Variants in IL2RB observed in about 807,000 individuals in gnomAD.
IL2RB encodes the protein interleukin-2 receptor subunit beta.
IL2RB carries 17 observed loss-of-function variants against 44.2 expected under a neutral mutation model. The ratio of observed to expected loss-of-function variants is 0.38; its 90% CI spans 0.26 to 0.58. IL2RB has a LOEUF of 0.58. Among genes scored for constraint, IL2RB ranks in the 20% least tolerant of loss-of-function variants. The pLI, the probability that IL2RB is intolerant of heterozygous loss-of-function variation, is 0.63. For missense variants in IL2RB, 624 were observed against 685.5 expected, an observed-to-expected ratio of 0.91 and a Z score of 1.00; for synonymous variants, 286 against 297.9, an observed-to-expected ratio of 0.96 and a Z score of 0.41.
rs748901771 is a variant in IL2RB, at chr22:37,128,313, G to A, written c.1439C>T (p.Pro480Leu). ...QPLGPPTPGV[P>L]DLVDFQPPPE... ...GGGTGGCTGAAAATCCACCAGGTCTGGGACTCCTGGGGTGGGAGGCCCCAG... is the reference window on the plus strand; with the variant it reads ...GGGTGGCTGAAAATCCACCAGGTCTAGGACTCCTGGGGTGGGAGGCCCCAG... Residue 480 changes from proline (P) to leucine (L), a missense_variant, in exon 10 of 10, where the codon CCA becomes CTA. Physicochemically the swap from Pro to Leu is moderately conservative, Grantham distance 98. This residue lies in a region of IL2RB where 291 missense variants were observed against 275.5 expected (regional missense o/e 1.06). Transcript: ENST00000216223. This position sits in a 1 kb window ranked among gnomAD's most constrained non-coding sequence, Gnocchi z 4.5. 10 of 1,503,124 alleles carry A rather than the reference G, an allele frequency of 6.7e-6. No individual in the cohort carries two copies. Among genetic ancestry groups the A allele is most frequent in the Non-Finnish European group, 8.9e-6 (10 of 1,126,704 alleles). 93.1% of individuals were successfully genotyped at this position (1,503,124 alleles called of 1,614,324 possible). A position where few individuals can be genotyped will look rare whatever the true frequency, so the allele number is the denominator to read the frequency against.
intron 1 of IL2RB, among the ~76,000 whole-genome samples, chr22:37,165,218 A>G (rs1923026792): frequency 6.6e-6 from 1 of 152,244 alleles, no homozygotes; most frequent in Non-Finnish European, 1.5e-5. Context: ...CTGGCTCCTA[A>G]GCACATGCTC....
intron 1 of IL2RB, among the ~76,000 whole-genome samples, chr22:37,164,298 C>T (rs1004924104): frequency 6.6e-6 from 1 of 152,068 alleles, no homozygotes; most frequent in Non-Finnish European, 1.5e-5. Flanking sequence ...CTGGCCAGTG[C>T]ACAAGGGGTC....
chr22:37,134,085 G>C (rs565309404), intron 8 of IL2RB, among the ~76,000 whole-genome samples: 1 of 152,078 alleles, frequency 6.6e-6, no homozygotes, highest in South Asian at 2.1e-4. Flanking sequence ...AGGATCCGTG[G>C]GTTCTGCACT....
chr22:37,163,541 A>C (rs1922955819), intron 1 of IL2RB, among the ~76,000 whole-genome samples: 2 of 152,204 alleles, frequency 1.3e-5, no homozygotes, highest in Non-Finnish European at 2.9e-5. Context: ...TGATCCCAGA[A>C]GCTCTTCCAG....
chr22:37,162,143 T>A (rs947903475), intron 1 of IL2RB, among the ~76,000 whole-genome samples: 4 of 152,180 alleles, frequency 2.6e-5, no homozygotes, highest in African/African-American at 9.7e-5. Context: ...TTTGAAATAG[T>A]CTTTAATTAC....
intron 1 of IL2RB, among the ~76,000 whole-genome samples, chr22:37,155,590 G>A (rs1922652176): frequency 1.3e-5 from 2 of 152,184 alleles, no homozygotes; most frequent in Admixed American, 1.3e-4. Context: ...CATCCTACCA[G>A]AATGTGGCAG....
chr22:37,174,721 CTT>C (rs1243895507), intron 1 of IL2RB, among the ~76,000 whole-genome samples: 1 of 152,196 alleles, frequency 6.6e-6, no homozygotes, highest in African/African-American at 2.4e-5. Flanking sequence ...AATCTTTTCT[CTT>C]TTGCAAATCC....
chr22:37,151,202 A>G (rs1444020749), upstream of IL2RB, among the ~76,000 whole-genome samples: 1 of 152,206 alleles, frequency 6.6e-6, no homozygotes, highest in East Asian at 1.9e-4. Context: ...ACAGTGTACG[A>G]GAGTTCCCTT....
intron 1 of IL2RB, among the ~76,000 whole-genome samples, chr22:37,158,139 A>G (rs1182406130): frequency 6.6e-6 from 1 of 152,190 alleles, no homozygotes; most frequent in Admixed American, 6.5e-5. Flanking sequence ...ACGTGTGTAC[A>G]AAGTAACTCC....
Position 37,156,647 on chromosome 22 carries a change from C to T in IL2RB, c.-33-12442G>A, listed in dbSNP as rs577490832. Among the ~76,000 whole-genome samples, 6 of 152,344 alleles carry T rather than the reference C, an allele frequency of 3.9e-5. No individual in the cohort carries two copies. The East Asian group carries it at 1.2e-3, about 29-fold the overall frequency. On this transcript the variant is annotated intron_variant, in intron 1 of 5. Coordinates refer to the IL2RB transcript ENST00000429622. ...GTTAAGGACCCTTCCCCAAAGCTGC[C>T]GTAGCCACTTCTAATGTACATCCCA...
At chr22:37,139,084 C>T (rs1156319802) in intron 5 of IL2RB, 33 bp downstream of exon 5, 5 of 1,428,442 alleles carry the variant, frequency 3.5e-6, no homozygotes, top group Non-Finnish European at 2.0e-6. Flanking sequence ...GTGCCCAGCC[C>T]TGCCCCAGCC....
rs189719567 is a variant in IL2RB, at chr22:37,132,861, C to T, written c.819-393G>A. ...AGAAGAAGTGGAATGAACCAGGAGG[C>T]GGGAGAGAGGAGATGGGCTTTCTTG... On this transcript the variant is annotated intron_variant, in intron 8 of 9. Transcript: ENST00000216223. Among the ~76,000 whole-genome samples, 37 of 152,150 alleles carry T rather than the reference C, an allele frequency of 2.4e-4. No homozygotes were observed. In the South Asian group the frequency reaches 7.1e-3, roughly 29 times the overall value.
chr22:37,142,174 G>A (rs192508980), intron 4 of IL2RB, among the ~76,000 whole-genome samples: 1 of 152,314 alleles, frequency 6.6e-6, no homozygotes, highest in Admixed American at 6.5e-5. Flanking sequence ...CAAAGCGCAG[G>A]GGAGACAGCA....
rs773680055 is a variant in IL2RB, at chr22:37,132,387, G to T, written c.900C>A (p.Val300=). ...SQLSSEHGGD[V]QKWLSSPFPS... is the part of the protein sequence containing the mutation. Reference sequence around the variant, plus strand: ...TCTCCCCGCCCCGGCCTCCTACCTGGACGTCTCCTCCATGCTCTGAGCTCA... The same window carrying T: ...TCTCCCCGCCCCGGCCTCCTACCTGTACGTCTCCTCCATGCTCTGAGCTCA... Residue 300 remains valine, a synonymous_variant, in exon 9 of 10, where the codon GTC becomes GTA. Coordinates refer to ENST00000216223, the MANE Select transcript of IL2RB (RefSeq NM_000878.5). The T allele has an allele frequency of 6.2e-7, 1 of 1,613,858 alleles. No individual in the cohort carries two copies. Among genetic ancestry groups the T allele is most frequent in the South Asian group, 1.1e-5 (1 of 91,036 alleles).
At position 37,128,722 on chromosome 22, in the gene IL2RB, G is replaced by T; in HGVS notation, c.1030C>A (p.Pro344Thr). ...TTGCTGCTTAAGGATGCGGGCTCAG[G>T]CACCTTGTCCTGCTGCAGGAGCAGC... ...TQLLLQQDKVPEPASLSSNHS... is the reference protein window; with the variant it reads ...TQLLLQQDKVTEPASLSSNHS... Residue 344 changes from proline (P) to threonine (T), a missense_variant, in exon 10 of 10, where the codon CCT becomes ACT. Around this residue, in one of 3 missense-constraint regions of IL2RB, gnomAD observed 291 missense variants for 275.5 expected, o/e 1.06. Coordinates refer to ENST00000216223, the MANE Select transcript of IL2RB (RefSeq NM_000878.5). This position sits in a 1 kb window ranked among gnomAD's most constrained non-coding sequence, Gnocchi z 4.5. 1 of 1,614,160 alleles carries T rather than the reference G, an allele frequency of 6.2e-7. No individual in the cohort carries two copies. Among genetic ancestry groups the T allele is most frequent in the Non-Finnish European group, 8.5e-7 (1 of 1,180,004 alleles).
intron 1 of IL2RB, among the ~76,000 whole-genome samples, chr22:37,169,177 G>A (rs1001676369): frequency 6.6e-6 from 1 of 151,340 alleles, no homozygotes; most frequent in Non-Finnish European, 1.5e-5. Flanking sequence ...TTACAGAGAG[G>A]GGTTCTTACT....
chr22:37,157,133 G>C (rs1295340312), intron 1 of IL2RB, among the ~76,000 whole-genome samples: 1 of 149,976 alleles, frequency 6.7e-6, no homozygotes, highest in African/African-American at 2.5e-5. Flanking sequence ...GACAAATGAG[G>C]ATCACAAAGC....
chr22:37,153,269 A>C (rs1922562892), upstream of IL2RB, among the ~76,000 whole-genome samples: 1 of 152,000 alleles, frequency 6.6e-6, no homozygotes, highest in Non-Finnish European at 1.5e-5. Context: ...AGAGAAGAGC[A>C]GAGACGGCAG....
chr22:37,151,539 T>C (rs1366125496), upstream of IL2RB, among the ~76,000 whole-genome samples: 1 of 152,250 alleles, frequency 6.6e-6, no homozygotes, highest in African/African-American at 2.4e-5. Flanking sequence ...GATTGCATCC[T>C]TTGCTGTGTA....
Sources: gnomAD v4.1 joint callset for allele counts (sites outside exome capture counted in the v4.1 genomes callset) on GRCh38, gnomAD v4.1.1 for gene constraint, gnomAD v4.1.1 regional missense constraint, Gnocchi (gnomAD v3.1) non-coding constraint, MANE v1.5 for transcripts, NCBI Gene and HGNC (gene_info 2026-07-23, HGNC 2026-07-21) for gene names.